PPARGC1A: variants seen among roughly 807,000 people sequenced by gnomAD.
PPARGC1A encodes peroxisome proliferator-activated receptor gamma coactivator 1-alpha.
A neutral mutation model predicts 88.7 loss-of-function variants in PPARGC1A; 25 were observed. That is an observed-to-expected ratio of 0.28 (90% CI 0.21 to 0.39). The LOEUF (loss-of-function observed/expected upper bound fraction) is 0.39, where lower values mean the gene tolerates loss of function less well. Among genes scored for constraint, PPARGC1A ranks in the 10% least tolerant of loss-of-function variants. PPARGC1A has a pLI of 1.00. For synonymous variants in PPARGC1A, 363 were observed against 355.6 expected (o/e 1.02, Z -0.24); for missense variants, 880 against 968.7 (o/e 0.91, Z 1.22).
upstream of PPARGC1A, among the ~76,000 whole-genome samples, chr4:23,894,222 G>A (rs1323419918): frequency 2.0e-5 from 3 of 151,964 alleles, no homozygotes; most frequent in Admixed American, 1.3e-4. Flanking sequence ...GAAAGCAAAG[G>A]GGCCTGCCTA....
the PPARGC1A span, among the ~76,000 whole-genome samples, chr4:24,062,859 T>G: frequency 6.6e-6 from 1 of 152,216 alleles, no homozygotes; most frequent in Non-Finnish European, 1.5e-5. Flanking sequence ...TATTTTTTAG[T>G]CCTTGTATTT....
chr4:24,326,168 C>T, the PPARGC1A span, among the ~76,000 whole-genome samples: 1 of 152,150 alleles, frequency 6.6e-6, no homozygotes, highest in Non-Finnish European at 1.5e-5. Context: ...CTCATTAAAA[C>T]CTAATCACCC....
the PPARGC1A span, among the ~76,000 whole-genome samples, chr4:23,952,352 G>T: frequency 6.6e-6 from 1 of 152,056 alleles, no homozygotes; most frequent in African/African-American, 2.4e-5. Context: ...GCTTTTACCT[G>T]CTGGCTTCCT....
chr4:23,912,342 G>C, the PPARGC1A span, among the ~76,000 whole-genome samples: 20 of 152,162 alleles, frequency 1.3e-4, no homozygotes, highest in East Asian at 3.9e-3. Flanking sequence ...GTTTCTTCAC[G>C]TATAAAGTAG....
At chr4:24,265,499 G>A in the PPARGC1A span, among the ~76,000 whole-genome samples, 2 of 152,256 alleles carry the variant, frequency 1.3e-5, no homozygotes, top group East Asian at 3.9e-4. Context: ...GAAGGCTTCT[G>A]CTTAAAGTCA....
chr4:23,883,088 G>A (rs3796407), intron 2 of PPARGC1A: 29,419 of 152,168 alleles, frequency 0.19, 3,612 homozygotes, highest in Middle Eastern at 0.33. Context: ...AACTTGACAA[G>A]TGTACTGAGT....
intron 2 of PPARGC1A, among the ~76,000 whole-genome samples, chr4:23,832,974 CCCA>C (rs930974421): frequency 4.6e-5 from 7 of 152,000 alleles, no homozygotes; most frequent in Non-Finnish European, 1.0e-4. Flanking sequence ...TTGATTCATT[CCCA>C]CCAACACACT....
the PPARGC1A span, among the ~76,000 whole-genome samples, chr4:23,936,057 T>C: frequency 0.017 from 2,636 of 152,320 alleles, 97 homozygotes; most frequent in African/African-American, 0.06. Flanking sequence ...TATGAATTCC[T>C]ATGTACATCG....
the PPARGC1A span, among the ~76,000 whole-genome samples, chr4:24,191,468 C>G: frequency 3.3e-5 from 5 of 152,146 alleles, no homozygotes; most frequent in African/African-American, 7.2e-5. Flanking sequence ...TTCCATTATA[C>G]GATAATGTCT....
the PPARGC1A span, among the ~76,000 whole-genome samples, chr4:24,337,803 C>T: frequency 2.0e-5 from 3 of 152,086 alleles, no homozygotes; most frequent in Non-Finnish European, 4.4e-5. Flanking sequence ...TCACATTGGA[C>T]TCATCAAGGG....
intron 10 of PPARGC1A, among the ~76,000 whole-genome samples, chr4:23,804,382 T>TA (rs2109364617): frequency 6.6e-6 from 1 of 152,330 alleles, no homozygotes; most frequent in South Asian, 2.1e-4. Flanking sequence ...CTGTAATCTA[T>TA]TTTCTTTATT....
chr4:24,039,939 G>A, the PPARGC1A span, among the ~76,000 whole-genome samples: 1 of 152,004 alleles, frequency 6.6e-6, no homozygotes, highest in Non-Finnish European at 1.5e-5. Context: ...TCATTTAAAT[G>A]CTATTGACAC....
chr4:24,187,948 T>C, the PPARGC1A span, among the ~76,000 whole-genome samples: 1 of 152,156 alleles, frequency 6.6e-6, no homozygotes, highest in South Asian at 2.1e-4. Flanking sequence ...TAAAATAAGG[T>C]TTGCAGGATG....
At chr4:23,877,036 T>C (rs1714840868) in intron 2 of PPARGC1A, among the ~76,000 whole-genome samples, 1 of 152,158 alleles carries the variant, frequency 6.6e-6, no homozygotes, top group African/African-American at 2.4e-5. Context: ...TCTTCTATCA[T>C]CACTTTGGGA....
At chr4:24,107,724 G>A in the PPARGC1A span, among the ~76,000 whole-genome samples, 2 of 152,188 alleles carry the variant, frequency 1.3e-5, no homozygotes, top group Admixed American at 6.5e-5. Flanking sequence ...TGTACAGTTG[G>A]TTCTGCAGGC....
At chr4:24,177,469 G>A in the PPARGC1A span, among the ~76,000 whole-genome samples, 1 of 151,708 alleles carries the variant, frequency 6.6e-6, no homozygotes, top group Non-Finnish European at 1.5e-5. Flanking sequence ...CCTGTTGTGG[G>A]GTGGGGGGAA....
chr4:24,459,965 G>A, the PPARGC1A span, among the ~76,000 whole-genome samples: 1 of 152,146 alleles, frequency 6.6e-6, no homozygotes, highest in Non-Finnish European at 1.5e-5. Context: ...CTGGAAATAA[G>A]AGATATTTGT....
chr4:24,299,915 G>T, the PPARGC1A span, among the ~76,000 whole-genome samples: 1 of 152,178 alleles, frequency 6.6e-6, no homozygotes, highest in Admixed American at 6.5e-5. Flanking sequence ...TCATCTATAA[G>T]AATTATGTGG....
intron 2 of PPARGC1A, among the ~76,000 whole-genome samples, chr4:23,844,576 G>A (rs1278349109): frequency 9.3e-6 from 1 of 107,668 alleles, no homozygotes; most frequent in Non-Finnish European, 1.7e-5. Context: ...ATTGTATATT[G>A]TTAATATATA....
Sources: gnomAD v4.1 joint callset for allele counts (sites outside exome capture counted in the v4.1 genomes callset) on GRCh38, gnomAD v4.1.1 for gene constraint, MANE v1.5 for transcripts, NCBI Gene and HGNC (gene_info 2026-07-23, HGNC 2026-07-21) for gene names.